PAXIP1: variants seen among roughly 807,000 people sequenced by gnomAD.
PAXIP1 encodes PAX-interacting protein 1.
PAXIP1 carries 19 observed loss-of-function variants against 140.6 expected under a neutral mutation model. The observed-to-expected ratio is 0.14, with a 90% CI of 0.09 to 0.20. The LOEUF (loss-of-function observed/expected upper bound fraction) is 0.20. Among genes scored for constraint, PAXIP1 ranks in the 10% least tolerant of loss-of-function variants. The pLI is 1.00. For synonymous variants in PAXIP1, 442 were observed against 444.6 expected, an observed-to-expected ratio of 0.99 and a Z score of 0.07; for missense variants, 920 against 1,208.6, an observed-to-expected ratio of 0.76 and a Z score of 3.54.
chr7:155,002,725 C>A, intron 1 of PAXIP1, 124 bp downstream of exon 1: 1 of 433,718 alleles, frequency 2.3e-6, no homozygotes, highest in Non-Finnish European at 3.4e-6. Context: ...AGGCCAGCGG[C>A]CTCGGCGGAC....
intron 2 of PAXIP1, among the ~76,000 whole-genome samples, chr7:154,994,196 G>A (rs1281189334): frequency 1.3e-5 from 2 of 152,096 alleles, no homozygotes; most frequent in African/African-American, 2.4e-5. Context: ...TTTTAGTGAA[G>A]TCAAGCAGAT....
At chr7:154,999,619 A>G (rs1261031959) in intron 1 of PAXIP1, among the ~76,000 whole-genome samples, 1 of 152,220 alleles carries the variant, frequency 6.6e-6, no homozygotes. Context: ...GCAAAAGAGC[A>G]AAGTCCAGAC....
chr7:154,957,034 T>C (rs913251950), intron 14 of PAXIP1, 190 bp downstream of exon 14: 1 of 417,178 alleles, frequency 2.4e-6, no homozygotes, highest in Non-Finnish European at 4.2e-6. Context: ...TGAATTTTTT[T>C]AAAATAAAAA....
intron 4 of PAXIP1, among the ~76,000 whole-genome samples, chr7:154,987,759 G>A (rs1213878559): frequency 6.6e-6 from 1 of 152,150 alleles, no homozygotes; most frequent in Non-Finnish European, 1.5e-5. Flanking sequence ...GCACAGGGAG[G>A]TATACAGTGA....
chr7:154,983,881 T>A (rs1809953336), intron 4 of PAXIP1: 1 of 153,252 alleles, frequency 6.5e-6, no homozygotes, highest in African/African-American at 2.4e-5. Context: ...AAGGCAAGCA[T>A]AAAAGGAATA....
chr7:154,957,968 C>T (rs1450258740), intron 13 of PAXIP1, among the ~76,000 whole-genome samples: 1 of 99,172 alleles, frequency 1.0e-5, no homozygotes, highest in African/African-American at 3.5e-5. Context: ...AGCGAGACTC[C>T]GTCTCAAAAA....
chr7:154,976,839 C>T (rs935870333), intron 5 of PAXIP1, among the ~76,000 whole-genome samples: 2 of 152,188 alleles, frequency 1.3e-5, no homozygotes, highest in Non-Finnish European at 2.9e-5. Context: ...GGAGCTCATG[C>T]TATATGCCAA....
chr7:154,948,834 A>C (rs1032144679), intron 16 of PAXIP1: 6 of 151,968 alleles, frequency 3.9e-5, no homozygotes, highest in Admixed American at 3.9e-4. Context: ...CATTTGGCTC[A>C]TAATCAATTA....
intron 14 of PAXIP1, 92 bp downstream of exon 14, chr7:154,957,132 A>G: frequency 1.5e-6 from 1 of 645,454 alleles, no homozygotes; most frequent in Middle Eastern, 2.5e-4. Flanking sequence ...ATTTACTGCA[A>G]AACATTTTAG....
intron 4 of PAXIP1, among the ~76,000 whole-genome samples, chr7:154,985,426 G>T (rs1810025035): frequency 6.6e-6 from 1 of 152,054 alleles, no homozygotes. Flanking sequence ...CTGCCCATGA[G>T]CACTGCCCCC....
intron 6 of PAXIP1, among the ~76,000 whole-genome samples, chr7:154,971,514 C>T (rs558290755): frequency 6.6e-6 from 1 of 152,338 alleles, no homozygotes; most frequent in East Asian, 1.9e-4. Flanking sequence ...TCCCAAAACC[C>T]CTACCACATT....
In PAXIP1 at chr7:154,973,585, C is replaced by T. The variant is rs371855418; in HGVS notation, c.1074+2111G>A. ...TATCTTACTCTGGATGCCAGCCAAC[C>T]GCTGTCATCATCCCAAGAACCGTGT... On this transcript the variant is annotated intron_variant, in intron 6 of 20. Transcript: ENST00000404141. This position sits in a 1 kb window ranked among gnomAD's most constrained non-coding sequence, Gnocchi z 4.0. Among the ~76,000 whole-genome samples the T allele has an allele frequency of 2.6e-5, 4 of 152,286 alleles. No homozygotes were observed. The highest frequency in any genetic ancestry group is 1.9e-4 in the East Asian group (1 of 5,170).
intron 5 of PAXIP1, among the ~76,000 whole-genome samples, chr7:154,980,184 G>GAAAAAT (rs961561841): frequency 6.7e-6 from 1 of 150,076 alleles, no homozygotes; most frequent in Non-Finnish European, 1.5e-5. Context: ...TAATTTTCCA[G>GAAAAAT]AAAAATAAAA....
intron 6 of PAXIP1, chr7:154,974,258 C>T (rs886469754): frequency 1.3e-5 from 2 of 152,250 alleles, no homozygotes; most frequent in Admixed American, 6.5e-5. Flanking sequence ...GTCTCAAACT[C>T]CAACTCTATG....
In PAXIP1 at chr7:154,975,763, C is replaced by T. The variant is rs760584538; in HGVS notation, c.1007G>A (p.Arg336Gln). The change falls in exon 6 of 21, where the codon CGG becomes CAG. Residue 336 changes from arginine to glutamine, a missense_variant. Coordinates refer to ENST00000404141, the MANE Select transcript of PAXIP1 (RefSeq NM_007349.4). ...ATTATTAGTAATATTCCTCAGTGTCCGTACAGCTGGACTCCAGGTAGCTAT... is the reference window on the plus strand; with the variant it reads ...ATTATTAGTAATATTCCTCAGTGTCTGTACAGCTGGACTCCAGGTAGCTAT... ...EMIATWSPAV[R>Q]TLRNITNNAD... 7 of 1,613,688 alleles carry T rather than the reference C, an allele frequency of 4.3e-6. No individual in the cohort carries two copies. The highest frequency in any genetic ancestry group is 2.2e-5 in the East Asian group (1 of 44,894).
At chr7:154,948,619 T>G (rs191466604) in intron 16 of PAXIP1, 1 of 151,506 alleles carries the variant, frequency 6.6e-6, no homozygotes, top group African/African-American at 2.4e-5. Context: ...CTGAAAAATA[T>G]GAACCCTCTT....
At chr7:154,955,508 A>T in intron 15 of PAXIP1, 21 bp downstream of exon 15, 1 of 1,454,658 alleles carries the variant, frequency 6.9e-7, no homozygotes, top group Non-Finnish European at 9.6e-7. Context: ...AAATCCTTGT[A>T]CGAAGTAGAT....
At chr7:154,947,564 C>CT (rs1808049861) in intron 17 of PAXIP1, 1 of 242,944 alleles carries the variant, frequency 4.1e-6, no homozygotes, top group Non-Finnish European at 8.1e-6. Context: ...GCGATGTCCT[C>CT]TAAAGATTTA....
At chr7:154,965,150 C>T (rs911509879) in intron 8 of PAXIP1, 3 of 152,260 alleles carry the variant, frequency 2.0e-5, no homozygotes, top group African/African-American at 7.2e-5. Context: ...TATCTTGGGT[C>T]ACACCCCCTG....
Sources: gnomAD v4.1 joint callset for allele counts (sites outside exome capture counted in the v4.1 genomes callset) on GRCh38, gnomAD v4.1.1 for gene constraint, Gnocchi (gnomAD v3.1) non-coding constraint, MANE v1.5 for transcripts, NCBI Gene and HGNC (gene_info 2026-07-23, HGNC 2026-07-21) for gene names.